Variants in DNMT3A observed in about 807,000 individuals in gnomAD.
The protein encoded by DNMT3A is DNA methyltransferase 3 alpha.
In DNMT3A, 267 loss-of-function variants were observed where a neutral mutation model predicts 117.6. The observed-to-expected ratio is 2.27, with a 90% CI of 2.05 to 2.51. The LOEUF (loss-of-function observed/expected upper bound fraction) is 2.51. Among genes scored for constraint, DNMT3A ranks in the 30% most tolerant of loss-of-function variants. The pLI, the probability that DNMT3A is intolerant of heterozygous loss-of-function variation, is 0.00. For synonymous variants in DNMT3A, 432 were observed against 474.8 expected (o/e 0.91, Z 1.17); for missense variants, 1,029 against 1,260.2 (o/e 0.82, Z 2.78).
intron 1 of DNMT3A, among the ~76,000 whole-genome samples, chr2:25,318,373 G>A (rs976238478): frequency 1.1e-4 from 17 of 151,964 alleles, no homozygotes; most frequent in African/African-American, 4.1e-4. Flanking sequence ...TGCAACCTCC[G>A]CCTCCTGGGT....
chr2:25,289,920 TC>T (rs2032618336), intron 3 of DNMT3A, among the ~76,000 whole-genome samples: 1 of 152,220 alleles, frequency 6.6e-6, no homozygotes, highest in African/African-American at 2.4e-5. Flanking sequence ...AAGCCTTGCG[TC>T]CCAGGGTGGG....
At chr2:25,290,338 T>TTTTTTTTTTA (rs1255056962) in intron 3 of DNMT3A, among the ~76,000 whole-genome samples, 2 of 150,620 alleles carry the variant, frequency 1.3e-5, no homozygotes, top group African/African-American at 4.9e-5. Flanking sequence ...TTTTTTTTTT[T>TTTTTTTTTTA]GAGACGCAGT....
At chr2:25,242,166 G>A (rs1024455267) in intron 16 of DNMT3A, among the ~76,000 whole-genome samples, 33 of 151,272 alleles carry the variant, frequency 2.2e-4, no homozygotes, top group African/African-American at 7.1e-4. Context: ...TGGAATCACC[G>A]CCCCCTCCGC....
intron 4 of DNMT3A, among the ~76,000 whole-genome samples, chr2:25,276,211 G>C (rs2031394774): frequency 6.6e-6 from 1 of 152,096 alleles, no homozygotes; most frequent in African/African-American, 2.4e-5. Flanking sequence ...CTCATTCTCC[G>C]TCCCTCCACT....
In DNMT3A at chr2:25,291,329, G is replaced by T. The variant is rs116515312; in HGVS notation, c.178-8618C>A. On this transcript the variant is annotated intron_variant, in intron 3 of 22. Coordinates refer to ENST00000321117, the MANE Select transcript of DNMT3A (RefSeq NM_022552.5). ...CATGACTGCCCGCCCCCGCCCTTCC[G>T]GCAGCCCCCTTTCCCCTGGCGGCCC... Among the ~76,000 whole-genome samples the T allele has an allele frequency of 5.1e-3, 782 of 152,258 alleles. 4 individuals carry two copies. The highest frequency in any genetic ancestry group is 0.018 in the African/African-American group (744 of 41,558).
At position 25,316,213 on chromosome 2, in the gene DNMT3A, G is replaced by A. The variant is rs564953231; in HGVS notation, c.-177-2052C>T. On this transcript the variant is annotated intron_variant, in intron 1 of 22. Transcript: ENST00000321117. ...GCCCTAGGCTTAGGGACACCCAGAG[G>A]GCATCTGTGCCGCCACGGGTGTGGC... 6.3e-4 allele frequency among the ~76,000 whole-genome samples: 96 copies of A among 152,328 alleles called. 1 individual carries two copies. The highest frequency in any genetic ancestry group is 2.0e-3 in the Admixed American group (30 of 15,304).
chr2:25,329,539 G>A (rs985717368), intron 1 of DNMT3A, among the ~76,000 whole-genome samples: 8 of 151,996 alleles, frequency 5.3e-5, no homozygotes, highest in Non-Finnish European at 1.0e-4. Context: ...CGGCTGCTGT[G>A]CCAGGCTCCC....
At chr2:25,280,339 C>T (rs867126098) in intron 4 of DNMT3A, among the ~76,000 whole-genome samples, 1 of 136,152 alleles carries the variant, frequency 7.3e-6, no homozygotes, top group Non-Finnish European at 1.6e-5. Context: ...CCCCCCACCC[C>T]GGCAGCCACC....
intron 1 of DNMT3A, chr2:25,328,742 C>A (rs1282236471): frequency 2.0e-6 from 1 of 495,026 alleles, no homozygotes; most frequent in East Asian, 5.9e-5. Flanking sequence ...GGTCGCTTGG[C>A]AGAGCCCCCA....
At chr2:25,307,992 G>A (rs1187433184) in intron 2 of DNMT3A, among the ~76,000 whole-genome samples, 2 of 152,158 alleles carry the variant, frequency 1.3e-5, no homozygotes, top group Admixed American at 6.5e-5. Context: ...AGGGATAAAG[G>A]GAACTCAGGC....
rs559976358 is a variant in DNMT3A at position 25,282,810 on chromosome 2, A to G, written c.178-99T>C. 97 of 1,395,774 alleles carry G rather than the reference A, an allele frequency of 6.9e-5. No individual in the cohort carries two copies. Among genetic ancestry groups the G allele is most frequent in the African/African-American group, 5.9e-5 (4 of 67,830 alleles). 86.5% of individuals were successfully genotyped at this position (1,395,774 alleles called of 1,614,324 possible). A position where few individuals can be genotyped will look rare whatever the true frequency, so the allele number is the denominator to read the frequency against. On this transcript the variant is annotated intron_variant, in intron 3 of 22. Coordinates refer to ENST00000321117, the MANE Select transcript of DNMT3A (RefSeq NM_022552.5). The surrounding 1 kb of genome is among the most constrained non-coding windows in gnomAD (Gnocchi z 5.2). ...TCTGAAATTCTAGAGAATGTTATGC[A>G]CTTTCTGTCCAGAAACTGTGTTCAT...
Position 25,273,067 on chromosome 2 carries a change from C to T in DNMT3A, c.639+1874G>A, listed in dbSNP as rs543111580. Among the ~76,000 whole-genome samples the T allele has an allele frequency of 1.3e-3, 201 of 151,096 alleles. 1 individual carries two copies. The highest frequency in any genetic ancestry group is 4.7e-3 in the African/African-American group (193 of 40,876). ...TCAGCTCACTGCAACCTCCGCCTCC[C>T]GGGTTCAAGTGATTCTCCTGCCTCA... On this transcript the variant is annotated intron_variant, in intron 6 of 22. Coordinates refer to ENST00000321117, the MANE Select transcript of DNMT3A (RefSeq NM_022552.5).
intron 1 of DNMT3A, among the ~76,000 whole-genome samples, chr2:25,329,390 C>T (rs1011590366): frequency 3.3e-5 from 5 of 152,070 alleles, no homozygotes. Flanking sequence ...GGGCCTGGCA[C>T]GTGGCAGGTA....
Position 25,244,564 on chromosome 2 carries a change from A to C in DNMT3A, c.1643T>G (p.Met548Arg). The C allele has an allele frequency of 6.2e-7, 1 of 1,614,162 alleles. No homozygotes were observed. The highest frequency in any genetic ancestry group is 1.1e-5 in the South Asian group (1 of 91,084). Residue 548 changes from methionine (M) to arginine (R), a missense_variant, in exon 14 of 23, where the codon ATG becomes AGG. Physicochemically the swap from Met to Arg is moderately conservative, Grantham distance 91 (BLOSUM62 -1). Transcript: ENST00000321117. ...CCTGCAGCAGTTGTTGTTTCCGCAC[A>C]TGAGCACCTCACGGCCCCCACAGCA... ...TICCGGREVL[M>R]CGNNNCCRCF... is the part of the protein sequence containing the mutation.
chr2:25,249,771 A>C, intron 6 of DNMT3A: 1 of 1,603,736 alleles, frequency 6.2e-7, no homozygotes, highest in Non-Finnish European at 8.5e-7. Flanking sequence ...GAGAACCATT[A>C]GCCTTTTACT....
Position 25,232,280 on chromosome 2 carries a change from T to G in DNMT3A, c.*1999A>C, listed in dbSNP as rs1672912269. ...AATATATATCTCTATATGCCACATA[T>G]CTACACCCCATCTACCCAGGCAAGC... On this transcript the variant is annotated 3_prime_UTR_variant, in exon 23 of 23. Transcript: ENST00000321117. This position sits in a 1 kb window ranked among gnomAD's most constrained non-coding sequence, Gnocchi z 4.1. 1 of 152,030 alleles carries G rather than the reference T, an allele frequency of 6.6e-6. No homozygotes were observed. The highest frequency in any genetic ancestry group is 1.5e-5 in the Non-Finnish European group (1 of 68,026). 9.4% of individuals were successfully genotyped at this position (152,030 alleles called of 1,614,324 possible). A position where few individuals can be genotyped will look rare whatever the true frequency, so the allele number is the denominator to read the frequency against.
At chr2:25,262,958 T>C (rs1676739950) in intron 6 of DNMT3A, among the ~76,000 whole-genome samples, 2 of 152,168 alleles carry the variant, frequency 1.3e-5, no homozygotes, top group African/African-American at 2.4e-5. Flanking sequence ...CACTTTTTTA[T>C]TTGTTTGTTT....
chr2:25,309,346 G>T (rs2033957351), intron 2 of DNMT3A, among the ~76,000 whole-genome samples: 1 of 152,236 alleles, frequency 6.6e-6, no homozygotes, highest in Non-Finnish European at 1.5e-5. Context: ...AGGGCAGGAG[G>T]CAGGAAGAAA....
Position 25,281,867 on chromosome 2 carries a change from G to A in DNMT3A, c.448+574C>T, listed in dbSNP as rs1431003447. On this transcript the variant is annotated intron_variant, in intron 4 of 22. Transcript: ENST00000321117. This position sits in a 1 kb window ranked among gnomAD's most constrained non-coding sequence, Gnocchi z 4.8. ...TACAATCACCCAGCCCTCTCCCCAC[G>A]CCACTGTCACAACCAAATTTCCAGT... The A allele has an allele frequency of 6.5e-6, 7 of 1,069,610 alleles. No homozygotes were observed. Among genetic ancestry groups the A allele is most frequent in the Non-Finnish European group, 7.9e-6 (7 of 881,898 alleles). The allele number at this position is 1,069,610 out of a possible 1,614,324, so 66.3% of individuals were successfully genotyped here. A position where few individuals can be genotyped will look rare whatever the true frequency, so the allele number is the denominator to read the frequency against.
Sources: gnomAD v4.1 joint callset for allele counts (sites outside exome capture counted in the v4.1 genomes callset) on GRCh38, gnomAD v4.1.1 for gene constraint, Gnocchi (gnomAD v3.1) non-coding constraint, MANE v1.5 for transcripts, NCBI Gene and HGNC (gene_info 2026-07-23, HGNC 2026-07-21) for gene names.